Variants in RANBP2 observed in about 807,000 individuals in gnomAD.
RANBP2 encodes RAN binding protein 2.
RANBP2 carries 57 observed loss-of-function variants against 303.6 expected under a neutral mutation model. The ratio of observed to expected loss-of-function variants is 0.19; its 90% CI spans 0.15 to 0.23. RANBP2 has a LOEUF of 0.23. Among genes scored for constraint, RANBP2 ranks in the 10% least tolerant of loss-of-function variants. The probability of loss-of-function intolerance (pLI) is 1.00; values close to 1 mark genes in which losing one functional copy is unlikely to be tolerated. For missense variants in RANBP2, 3,138 were observed against 3,780.8 expected, an observed-to-expected ratio of 0.83 and a Z score of 4.46; for synonymous variants, 1,167 against 1,301.5, an observed-to-expected ratio of 0.90 and a Z score of 2.23.
At chr2:109,362,464 G>C in the RANBP2 span, among the ~76,000 whole-genome samples, 1 of 152,156 alleles carries the variant, frequency 6.6e-6, no homozygotes, top group Non-Finnish European at 1.5e-5. Context: ...ATTTGTTAAG[G>C]TGTGTTTTGC....
At chr2:109,476,216 G>T in the RANBP2 span, among the ~76,000 whole-genome samples, 9 of 152,180 alleles carry the variant, frequency 5.9e-5, no homozygotes, top group African/African-American at 2.2e-4. Context: ...ACTCAGCCCT[G>T]CCCCCACCAG....
At chr2:109,320,863 TC>T in the RANBP2 span, among the ~76,000 whole-genome samples, 2 of 152,198 alleles carry the variant, frequency 1.3e-5, no homozygotes, top group African/African-American at 4.8e-5. Flanking sequence ...AGACCAAGAT[TC>T]AAATCCCTGC....
At chr2:109,630,709 C>T in the RANBP2 span, among the ~76,000 whole-genome samples, 2 of 152,142 alleles carry the variant, frequency 1.3e-5, no homozygotes, top group Admixed American at 1.3e-4. Flanking sequence ...GAGTACAAAA[C>T]AAGGATCAGG....
chr2:109,399,057 C>T, the RANBP2 span: 1 of 1,220,526 alleles, frequency 8.2e-7, no homozygotes, highest in African/African-American at 1.5e-5. Flanking sequence ...CCAGAACTGC[C>T]TTTTGGGGTT....
the RANBP2 span, among the ~76,000 whole-genome samples, chr2:109,734,708 A>G: frequency 7.9e-5 from 12 of 152,176 alleles, no homozygotes; most frequent in African/African-American, 2.7e-4. Flanking sequence ...GGAAGAATAG[A>G]GTTGGAAGAC....
chr2:109,464,412 C>T, the RANBP2 span, among the ~76,000 whole-genome samples: 1 of 152,170 alleles, frequency 6.6e-6, no homozygotes, highest in African/African-American at 2.4e-5. Context: ...AATACACATA[C>T]AAACATGACT....
chr2:108,879,834 G>A, the RANBP2 span, among the ~76,000 whole-genome samples: 4 of 152,080 alleles, frequency 2.6e-5, no homozygotes, highest in Non-Finnish European at 5.9e-5. Flanking sequence ...GTTGTGACTA[G>A]AGTCCTTGAG....
the RANBP2 span, chr2:109,617,351 A>G: frequency 6.0e-6 from 1 of 167,136 alleles, no homozygotes; most frequent in Non-Finnish European, 1.5e-5. Context: ...TCCTTTGTAT[A>G]TAAATGAAAA....
chr2:108,798,844 CACACACACAT>C, the RANBP2 span, among the ~76,000 whole-genome samples: 1 of 150,608 alleles, frequency 6.6e-6, no homozygotes, highest in Non-Finnish European at 1.5e-5. Flanking sequence ...CACACACACA[CACACACACAT>C]TTTTTCTGAT....
At chr2:109,484,544 GCCCC>G in the RANBP2 span, among the ~76,000 whole-genome samples, 13 of 152,016 alleles carry the variant, frequency 8.6e-5, no homozygotes, top group Non-Finnish European at 1.8e-4. Flanking sequence ...CTTGAGGCCC[GCCCC>G]CTCCTGTGGA....
At chr2:109,182,414 C>G in the RANBP2 span, among the ~76,000 whole-genome samples, 36 of 152,154 alleles carry the variant, frequency 2.4e-4, 1 homozygote, top group African/African-American at 8.0e-4. Flanking sequence ...AGGTCCAAAC[C>G]CTCTGCATTA....
the RANBP2 span, among the ~76,000 whole-genome samples, chr2:109,375,791 C>T: frequency 9.2e-5 from 14 of 152,222 alleles, no homozygotes; most frequent in East Asian, 3.9e-4. Flanking sequence ...GGTCAGGCCT[C>T]GGCCCAGCCC....
chr2:109,092,947 G>A, the RANBP2 span, among the ~76,000 whole-genome samples: 14 of 152,160 alleles, frequency 9.2e-5, no homozygotes, highest in Admixed American at 9.2e-4. Flanking sequence ...TAGCCTGGCA[G>A]GCTGGTCAGT....
chr2:109,261,746 C>T, the RANBP2 span, among the ~76,000 whole-genome samples: 1 of 152,170 alleles, frequency 6.6e-6, no homozygotes, highest in African/African-American at 2.4e-5. Flanking sequence ...GTGTAATCGG[C>T]AGGCATTTCA....
the RANBP2 span, among the ~76,000 whole-genome samples, chr2:109,209,455 C>G: frequency 6.6e-6 from 1 of 152,114 alleles, no homozygotes; most frequent in Non-Finnish European, 1.5e-5. Flanking sequence ...TATGTGATGC[C>G]ATGGGTTGGG....
the RANBP2 span, among the ~76,000 whole-genome samples, chr2:109,250,167 C>A: frequency 7.6e-6 from 1 of 131,652 alleles, no homozygotes; most frequent in East Asian, 2.2e-4. Flanking sequence ...TAAGGTTTTT[C>A]TCCACTCCTA....
At chr2:108,791,537 C>T in the RANBP2 span, 3 of 991,570 alleles carry the variant, frequency 3.0e-6, no homozygotes, top group Non-Finnish European at 4.7e-6. Flanking sequence ...TTTCTTTTTA[C>T]ATGTTTACAT....
intron 1 of RANBP2, chr2:108,720,107 C>G (rs1339695466): frequency 3.0e-6 from 3 of 984,254 alleles, no homozygotes; most frequent in Non-Finnish European, 3.6e-6. Context: ...ACCTCCTTGG[C>G]CTGGAGGAAC....
chr2:108,735,640 G>C lies in RANBP2; in HGVS notation c.514G>C (p.Val172Leu). 2.5e-6 allele frequency: 4 copies of C among 1,597,608 alleles called. No individual in the cohort carries two copies. Among genetic ancestry groups the C allele is most frequent in the Non-Finnish European group, 2.5e-6 (3 of 1,179,788 alleles). Residue 172 changes from valine to leucine, a missense_variant, in exon 5 of 29, where the codon GTG (valine) becomes CTG (leucine). Around this residue, in one of 20 missense-constraint regions of RANBP2, gnomAD observed 306 missense variants for 381.9 expected, o/e 0.80. Transcript: ENST00000283195. ...TGACGTCCATGTGAACATCCGGCTA[G>C]TGGAGGTGTATCGCTCAACTAAAAG... ...PDDVHVNIRL[V>L]EVYRSTKRLK...
Sources: allele counts gnomAD v4.1 joint callset (sites outside exome capture counted in the v4.1 genomes callset), GRCh38; gene constraint gnomAD v4.1.1; regional missense constraint gnomAD v4.1.1; transcripts MANE v1.5; gene names NCBI Gene and HGNC (gene_info 2026-07-23, HGNC 2026-07-21).